The following LSS variants were observed in gnomAD, a reference collection of about 807,000 sequenced individuals.
LSS encodes the protein lanosterol synthase, also known as 2,3-epoxysqualene-lanosterol cyclase.
A neutral mutation model predicts 110.3 loss-of-function variants in LSS; 90 were observed. The observed-to-expected ratio is 0.82, with a 90% CI of 0.69 to 0.97. The LOEUF is 0.97. Among genes scored for constraint, LSS ranks in the 50% least tolerant of loss-of-function variants. The probability of loss-of-function intolerance (pLI) is 0.00; values close to 1 mark genes in which losing one functional copy is unlikely to be tolerated. For synonymous variants in LSS, 433 were observed against 400.0 expected (o/e 1.08, Z -0.98); for missense variants, 927 against 990.0 (o/e 0.94, Z 0.85).
rs373275028 is a variant in LSS, at chr21:46,228,456, G to C, written c.158C>G (p.Ala53Gly). 6.2e-7 allele frequency: 1 copy of C among 1,603,518 alleles called. No individual in the cohort carries two copies. The highest frequency in any genetic ancestry group is 1.1e-5 in the South Asian group (1 of 91,044). ...RAGREQTGLE[A>G]YALGLDTKNY... ...TACGGTGTCCAGCCCCAGGGCGTAG[G>C]CTTCCAGGCCGGTCTGCTCGCGGCC... Residue 53 changes from alanine to glycine, a missense_variant, in exon 2 of 22, where the codon GCC (alanine) becomes GGC (glycine). By Grantham distance (60) the Ala-to-Gly change is moderately conservative (BLOSUM62 0). Transcript: ENST00000397728.
chr21:46,227,255 A>C, intron 3 of LSS: 1 of 340,414 alleles, frequency 2.9e-6, no homozygotes, highest in Admixed American at 4.4e-5. Flanking sequence ...TGGAATGTCC[A>C]TCCCATCCTG....
At chr21:46,223,506 G>C (rs2080302173) in intron 3 of LSS, among the ~76,000 whole-genome samples, 2 of 152,244 alleles carry the variant, frequency 1.3e-5, no homozygotes, top group Non-Finnish European at 2.9e-5. Context: ...CATGCCCTGT[G>C]TGGGCGGCAA....
chr21:46,225,023 G>A (rs892595978), intron 3 of LSS, among the ~76,000 whole-genome samples: 1 of 152,188 alleles, frequency 6.6e-6, no homozygotes, highest in Admixed American at 6.5e-5. Flanking sequence ...GGCTGTGGGT[G>A]GCAAGCCACC....
chr21:46,208,187 C>G (rs1475881951), intron 14 of LSS, 64 bp downstream of exon 14: 10 of 1,476,660 alleles, frequency 6.8e-6, no homozygotes, highest in Non-Finnish European at 9.3e-6. Context: ...GAGGGAAGGA[C>G]CCACCCTGCT....
chr21:46,213,759 G>A lies in LSS; in HGVS notation c.1088C>T (p.Ser363Phe). 3.1e-6 allele frequency: 5 copies of A among 1,614,058 alleles called. No homozygotes were observed. The highest frequency in any genetic ancestry group is 4.2e-6 in the Non-Finnish European group (5 of 1,179,986). ...PASTAFQEHVSRIPDYLWMGL... is the reference protein window; with the variant it reads ...PASTAFQEHVFRIPDYLWMGL... Reference sequence around the variant, plus strand: ...TCACCAGAGATAGTCCGGGATTCTGGAGACATGCTCCTGGAAGGCAGTGGA... The same window carrying A: ...TCACCAGAGATAGTCCGGGATTCTGAAGACATGCTCCTGGAAGGCAGTGGA... The change falls in exon 10 of 22, where the codon TCC becomes TTC. Residue 363 changes from serine (S) to phenylalanine (F), a missense_variant. Physicochemically the swap from Ser to Phe is radical, Grantham distance 155. Transcript: ENST00000397728.
intron 17 of LSS, among the ~76,000 whole-genome samples, chr21:46,200,092 A>G (rs1206328356): frequency 6.6e-6 from 1 of 152,178 alleles, no homozygotes; most frequent in Non-Finnish European, 1.5e-5. Flanking sequence ...AGCTGCTATA[A>G]AAGATAAAGT....
rs1029045012 is a variant in LSS at position 46,213,137 on chromosome 21, C to T, written c.1110-85G>A. 7 of 1,306,302 alleles carry T rather than the reference C, an allele frequency of 5.4e-6. No homozygotes were observed. The African/African-American group carries it at 7.3e-5, about 14-fold the overall frequency. The allele number at this position is 1,306,302 out of a possible 1,614,324, so 80.9% of individuals were successfully genotyped here. ...CCCAGACCCTGCACTCAGGAGGGTC[C>T]CAGAGAGGCCGTCTGTCCCCTCCCG... is the stretch of plus-strand genomic sequence containing the variant. On this transcript the variant is annotated intron_variant, in intron 10 of 21. Coordinates refer to ENST00000397728, the MANE Select transcript of LSS (RefSeq NM_002340.6).
In LSS at chr21:46,191,878, T is replaced by C; in HGVS notation, c.2067+3A>G. 1.2e-6 allele frequency: 2 copies of C among 1,612,348 alleles called. No homozygotes were observed. The highest frequency in any genetic ancestry group is 1.7e-6 in the Non-Finnish European group (2 of 1,179,190). On this transcript the variant is annotated splice_donor_region_variant and intron_variant, in intron 21 of 21. Transcript: ENST00000397728. ...TTGTGCGCTCAGGTCCCTGGCGGCA[T>C]ACCTGCGGCCAGTCGCCATTGGGGA...
chr21:46,192,683 G>C (rs1288525583), intron 20 of LSS: 2 of 452,932 alleles, frequency 4.4e-6, no homozygotes, highest in African/African-American at 4.1e-5. Context: ...GCATAGACCT[G>C]TGTGTGCATC....
At position 46,213,847 on chromosome 21, in the gene LSS, A is replaced by G. The variant is rs774573721; in HGVS notation, c.1012-12T>C. 1.2e-6 allele frequency: 2 copies of G among 1,604,892 alleles called. No individual in the cohort carries two copies. Among genetic ancestry groups the G allele is most frequent in the African/African-American group, 1.3e-5 (1 of 74,830 alleles). On this transcript the variant is annotated splice_polypyrimidine_tract_variant and intron_variant, in intron 9 of 21. Transcript: ENST00000397728. ...ATGGTTTTCGAGATCTGCAGGAGAG[A>G]CAGCCCTGTCAAGGCTCCGCTCCAG... is the stretch of plus-strand genomic sequence containing the variant.
chr21:46,196,069 G>C, intron 18 of LSS, 133 bp downstream of exon 18: 1 of 893,004 alleles, frequency 1.1e-6, no homozygotes. Flanking sequence ...CAGAAGTCAC[G>C]GGCTGGCAGC....
intron 6 of LSS, among the ~76,000 whole-genome samples, chr21:46,217,702 G>A (rs911734021): frequency 2.6e-5 from 4 of 152,152 alleles, no homozygotes; most frequent in Non-Finnish European, 5.9e-5. Flanking sequence ...ACTGACCGAC[G>A]GCCCCCCCAA....
intron 2 of LSS, 47 bp downstream of exon 2, chr21:46,228,387 A>AC: frequency 1.9e-6 from 3 of 1,589,772 alleles, no homozygotes; most frequent in Non-Finnish European, 1.7e-6. Context: ...CTCACGGCTC[A>AC]CCCCTCAGGG....
At chr21:46,215,063 G>A in intron 9 of LSS, 117 bp downstream of exon 9, 2 of 804,708 alleles carry the variant, frequency 2.5e-6, no homozygotes, top group Admixed American at 1.9e-5. Context: ...CCTCCCAAAT[G>A]GAGGTACACC....
At chr21:46,191,813 C>G in intron 21 of LSS, 68 bp downstream of exon 21, 1 of 1,324,782 alleles carries the variant, frequency 7.5e-7, no homozygotes, top group Non-Finnish European at 1.1e-6. Flanking sequence ...AGCAGGGGGA[C>G]GTGGAAACAG....
In LSS at chr21:46,228,732, G is replaced by T; in HGVS notation, c.14C>A (p.Thr5Lys). The change falls in exon 1 of 22, where the codon ACG becomes AAG. Residue 5 changes from threonine (T) to lysine (K), a missense_variant and splice_region_variant. Thr to Lys is a moderately conservative substitution (Grantham distance 78). Transcript: ENST00000397728. Reference sequence around the variant, plus strand: ...AGGAGCCCGGGGCGAGGGGACTCACGTGCCCTCCGTCATTGCTGCTGCAGT... The same window carrying T: ...AGGAGCCCGGGGCGAGGGGACTCACTTGCCCTCCGTCATTGCTGCTGCAGT... Reference protein sequence around the residue: MTEGTCLRRRGGPYK... With the variant: MTEGKCLRRRGGPYK... The T allele has an allele frequency of 6.2e-7, 1 of 1,601,136 alleles. No homozygotes were observed.
Position 46,188,646 on chromosome 21 carries a change from G to A in LSS, c.*2458C>T. 1 of 470,664 alleles carries A rather than the reference G, an allele frequency of 2.1e-6. No individual in the cohort carries two copies. The highest frequency in any genetic ancestry group is 4.4e-6 in the Non-Finnish European group (1 of 227,034). The allele number at this position is 470,664 out of a possible 1,614,324, so 29.2% of individuals were successfully genotyped here. On this transcript the variant is annotated 3_prime_UTR_variant, in exon 22 of 22. Transcript: ENST00000397728. The stretch of plus-strand genomic sequence containing the variant: ...GACTCCTCTGCATTGTGATCCAATT[G>A]TGAACAAAAAGTCCTCTTCGTGGAA...
At chr21:46,214,671 A>G (rs2080176831) in intron 9 of LSS, among the ~76,000 whole-genome samples, 1 of 152,112 alleles carries the variant, frequency 6.6e-6, no homozygotes, top group African/African-American at 2.4e-5. Flanking sequence ...TGCACCCTCT[A>G]AGGTCACTGA....
chr21:46,192,410 G>A (rs903518089), intron 20 of LSS: 5 of 431,594 alleles, frequency 1.2e-5, no homozygotes, highest in Admixed American at 9.6e-5. Flanking sequence ...AGACCCTGCT[G>A]CTCCTGCTCA....
Sources: gnomAD v4.1 joint callset for allele counts (sites outside exome capture counted in the v4.1 genomes callset) on GRCh38, gnomAD v4.1.1 for gene constraint, MANE v1.5 for transcripts, NCBI Gene and HGNC (gene_info 2026-07-23, HGNC 2026-07-21) for gene names.